The following GSPT1 variants were observed in gnomAD, a reference collection of about 807,000 sequenced individuals.
GSPT1 encodes G1 to S phase transition 1, also known as eukaryotic peptide chain release factor GTP-binding subunit ERF3A.
In GSPT1, 20 loss-of-function variants were observed where a neutral mutation model predicts 72.5. The ratio of observed to expected loss-of-function variants is 0.28; its 90% CI spans 0.19 to 0.40. The LOEUF is 0.40. GSPT1 is among the 10% of genes least tolerant of loss of function. GSPT1 has a pLI of 1.00. For synonymous variants in GSPT1, 334 were observed against 293.5 expected (o/e 1.14, Z -1.41); for missense variants, 580 against 811.9 (o/e 0.71, Z 3.47).
At chr16:11,890,829 T>C (rs2054249659) in intron 6 of GSPT1, 1 of 328,502 alleles carries the variant, frequency 3.0e-6, no homozygotes, top group Non-Finnish European at 5.5e-6. Flanking sequence ...GGATGGTTTA[T>C]AGTATTTTCA....
chr16:11,898,277 A>G (rs1167618103), intron 1 of GSPT1, among the ~76,000 whole-genome samples: 1 of 152,140 alleles, frequency 6.6e-6, no homozygotes, highest in South Asian at 2.1e-4. Flanking sequence ...ATTCATAAAA[A>G]CATGCTTATT....
chr16:11,914,540 A>G (rs2054603441), intron 1 of GSPT1, among the ~76,000 whole-genome samples: 1 of 152,258 alleles, frequency 6.6e-6, no homozygotes, highest in Non-Finnish European at 1.5e-5. Context: ...GAAGAAATAG[A>G]CTGAACTACT....
chr16:11,884,785 G>T (rs2054166682), intron 10 of GSPT1, among the ~76,000 whole-genome samples: 1 of 146,622 alleles, frequency 6.8e-6, no homozygotes, highest in Non-Finnish European at 1.5e-5. Flanking sequence ...AAAAAAAGAA[G>T]GCCAGGTACG....
At chr16:11,883,346 G>C (rs1385091660) in intron 10 of GSPT1, among the ~76,000 whole-genome samples, 1 of 151,114 alleles carries the variant, frequency 6.6e-6, no homozygotes, top group Non-Finnish European at 1.5e-5. Flanking sequence ...GGATGTGGTG[G>C]CTCAAGCCTA....
At position 11,871,688 on chromosome 16, in the gene GSPT1, A is replaced by G. The variant is rs936771397; in HGVS notation, c.*1431T>C. The G allele has an allele frequency of 1.5e-4, 23 of 152,336 alleles. No homozygotes were observed. The highest frequency in any genetic ancestry group is 5.5e-4 in the African/African-American group (23 of 41,574). 9.4% of individuals were successfully genotyped at this position (152,336 alleles called of 1,614,324 possible). The stretch of plus-strand genomic sequence containing the variant: ...GGAAGAGACTTGTCATTAAATATAC[A>G]AAGTATCTTATTTAGAGAGAAATCA... On this transcript the variant is annotated 3_prime_UTR_variant, in exon 15 of 15. Transcript: ENST00000434724.
At chr16:11,884,186 AC>A (rs1323277176) in intron 10 of GSPT1, among the ~76,000 whole-genome samples, 1 of 152,174 alleles carries the variant, frequency 6.6e-6, no homozygotes, top group Non-Finnish European at 1.5e-5. Flanking sequence ...TTTAAGACGA[AC>A]ATCCAGTGCT....
rs1195456490 is a variant in GSPT1 at position 11,879,738 on chromosome 16, C to CAA, written c.1429-2160_1429-2159dup. On this transcript the variant is annotated intron_variant, in intron 11 of 14. Transcript: ENST00000434724. ...TGGGCTACAGAGCGAGACTCCGTCTCAAAAAAAAAAAAAAAAACAAAACAA... is the reference window on the plus strand; with the variant it reads ...TGGGCTACAGAGCGAGACTCCGTCTCAAAAAAAAAAAAAAAAAAACAAAACAA... 3.1e-3 allele frequency among the ~76,000 whole-genome samples: 262 copies of CAA among 84,116 alleles called. 1 individual carries two copies. Among genetic ancestry groups the CAA allele is most frequent in the African/African-American group, 8.3e-3 (209 of 25,030 alleles). The allele number at this position is 84,116 out of a possible 152,430, so 55.2% of individuals were successfully genotyped here. A position where few individuals can be genotyped will look rare whatever the true frequency, so the allele number is the denominator to read the frequency against.
upstream of GSPT1, chr16:11,915,987 G>A (rs753813722): frequency 1.4e-6 from 1 of 699,120 alleles, no homozygotes; most frequent in South Asian, 1.4e-5. Context: ...ACCTCCGACG[G>A]CCTCACAGCC....
chr16:11,902,404 C>CA (rs775362322), intron 1 of GSPT1, among the ~76,000 whole-genome samples: 3,640 of 61,242 alleles, frequency 0.059, 249 homozygotes, highest in African/African-American at 0.16. Flanking sequence ...GACTCTGTCT[C>CA]AAAAAAAAAA....
At position 11,871,610 on chromosome 16, in the gene GSPT1, G is replaced by A. The variant is rs1006932730; in HGVS notation, c.*1509C>T. 3 of 152,166 alleles carry A rather than the reference G, an allele frequency of 2.0e-5. No individual in the cohort carries two copies. The highest frequency in any genetic ancestry group is 2.1e-4 in the South Asian group (1 of 4,830). The allele number at this position is 152,166 out of a possible 1,614,324, so 9.4% of individuals were successfully genotyped here. A position where few individuals can be genotyped will look rare whatever the true frequency, so the allele number is the denominator to read the frequency against. Reference sequence around the variant, plus strand: ...CATTAGATTAAGTTTTATGTTCTGTGACTGGAAATACAGTCTGTCTAGGCT... The same window carrying A: ...CATTAGATTAAGTTTTATGTTCTGTAACTGGAAATACAGTCTGTCTAGGCT... On this transcript the variant is annotated 3_prime_UTR_variant, in exon 15 of 15. Transcript: ENST00000434724.
intron 5 of GSPT1, among the ~76,000 whole-genome samples, chr16:11,892,852 A>AAAAAAG (rs2054286671): frequency 6.7e-6 from 1 of 148,716 alleles, no homozygotes; most frequent in African/African-American, 2.5e-5. Flanking sequence ...AAAAAAAAAA[A>AAAAAAG]AAAGAAAAGA....
upstream of GSPT1, among the ~76,000 whole-genome samples, chr16:11,916,547 C>A (rs4781163): frequency 2.0e-3 from 306 of 152,294 alleles, 1 homozygote; most frequent in Non-Finnish European, 3.0e-3. Context: ...CAGATTTTGC[C>A]CTTCATTTCA....
At chr16:11,895,785 C>T (rs1054881837) in intron 4 of GSPT1, among the ~76,000 whole-genome samples, 1 of 152,180 alleles carries the variant, frequency 6.6e-6, no homozygotes, top group African/African-American at 2.4e-5. Flanking sequence ...TGCCACCACA[C>T]CTGGCTAATT....
At chr16:11,879,632 C>A (rs28567665) in intron 11 of GSPT1, among the ~76,000 whole-genome samples, 1 of 150,328 alleles carries the variant, frequency 6.7e-6, no homozygotes, top group South Asian at 2.1e-4. Flanking sequence ...ACTTGGGAGG[C>A]TGAGGCAGGA....
intron 10 of GSPT1, among the ~76,000 whole-genome samples, chr16:11,883,310 A>G (rs1404077306): frequency 6.6e-6 from 1 of 151,980 alleles, no homozygotes; most frequent in African/African-American, 2.4e-5. Flanking sequence ...GTATGCCTAT[A>G]ATTTAAAAAG....
intron 14 of GSPT1, 24 bp from the exon 15 acceptor site, chr16:11,873,195 T>A: frequency 7.8e-7 from 1 of 1,280,072 alleles, no homozygotes. Context: ...TTTAAAAAAA[T>A]CTTTCAGTAG....
chr16:11,915,711 C>T lies in GSPT1; in HGVS notation c.10G>A (p.Gly4Ser). 1 of 1,513,254 alleles carries T rather than the reference C, an allele frequency of 6.6e-7. No homozygotes were observed. The highest frequency in any genetic ancestry group is 8.8e-7 in the Non-Finnish European group (1 of 1,137,466). 93.7% of individuals were successfully genotyped at this position (1,513,254 alleles called of 1,614,324 possible). A position where few individuals can be genotyped will look rare whatever the true frequency, so the allele number is the denominator to read the frequency against. The change falls in exon 1 of 15, where the codon GGC (glycine) becomes AGC (serine). Residue 4 changes from glycine (G) to serine (S), a missense_variant. By Grantham distance (56) the Gly-to-Ser change is moderately conservative (BLOSUM62 0). Transcript: ENST00000434724. MDP[G>S]SGGGGGGGGG... The stretch of plus-strand genomic sequence containing the variant: ...CCGCCGCCGCCGCCGCCGCCACTGC[C>T]CGGATCCATGATCGGGGGGGCCGTG...
At chr16:11,881,425 T>A (rs1031568709) in intron 11 of GSPT1, 3 of 152,198 alleles carry the variant, frequency 2.0e-5, no homozygotes, top group Admixed American at 2.0e-4. Flanking sequence ...TAGAGAATCA[T>A]ACTTTTTTCT....
At chr16:11,889,627 C>CA (rs1289785393) in intron 6 of GSPT1, among the ~76,000 whole-genome samples, 2 of 140,990 alleles carry the variant, frequency 1.4e-5, no homozygotes, top group South Asian at 4.5e-4. Flanking sequence ...CCTGCCTCAG[C>CA]CCCCCGAGTA....
Sources: gnomAD v4.1 joint callset for allele counts (sites outside exome capture counted in the v4.1 genomes callset) on GRCh38, gnomAD v4.1.1 for gene constraint, MANE v1.5 for transcripts, NCBI Gene and HGNC (gene_info 2026-07-23, HGNC 2026-07-21) for gene names.